Variants in PDE8B observed in about 807,000 individuals in gnomAD.
The protein encoded by PDE8B is phosphodiesterase 8B.
In PDE8B, 26 loss-of-function variants were observed where a neutral mutation model predicts 101.3. That is an observed-to-expected ratio of 0.26 (90% CI 0.19 to 0.36). The LOEUF (loss-of-function observed/expected upper bound fraction) is 0.36. Among genes scored for constraint, PDE8B ranks in the 10% least tolerant of loss-of-function variants. The probability of loss-of-function intolerance (pLI) is 1.00; values close to 1 mark genes in which losing one functional copy is unlikely to be tolerated. For synonymous variants in PDE8B, 424 were observed against 429.3 expected (o/e 0.99, Z 0.15); for missense variants, 810 against 1,163.1 (o/e 0.70, Z 4.42).
chr5:77,420,392 G>T lies in PDE8B; in HGVS notation c.2250+505G>T, dbSNP rs756397371. Among the ~76,000 whole-genome samples the T allele has an allele frequency of 2.6e-5, 4 of 151,834 alleles. No homozygotes were observed. The South Asian group carries it at 6.3e-4, about 24-fold the overall frequency. On this transcript the variant is annotated intron_variant, in intron 19 of 21. Transcript: ENST00000264917. Reference sequence around the variant, plus strand: ...TTTTAAAACCTACTCATGTACCTTGGACCTGCCTTAAGGTCCTTACCAATT... The same window carrying T: ...TTTTAAAACCTACTCATGTACCTTGTACCTGCCTTAAGGTCCTTACCAATT...
intron 9 of PDE8B, among the ~76,000 whole-genome samples, 165 bp downstream of exon 9, chr5:77,351,318 CA>C (rs1781085839): frequency 6.6e-6 from 1 of 152,232 alleles, no homozygotes; most frequent in Non-Finnish European, 1.5e-5. Flanking sequence ...CAGCAACCCC[CA>C]AACATGGTTT....
intron 1 of PDE8B, among the ~76,000 whole-genome samples, chr5:77,242,490 G>T (rs1252049803): frequency 1.3e-5 from 2 of 152,052 alleles, no homozygotes; most frequent in East Asian, 3.9e-4. Context: ...TTGGGATTAG[G>T]CTCTTTGTAA....
At chr5:77,207,029 T>A (rs1024230456), upstream of PDE8B, among the ~76,000 whole-genome samples, 1 of 152,202 alleles carries the variant, frequency 6.6e-6, no homozygotes, top group Non-Finnish European at 1.5e-5. Flanking sequence ...CGGTTTCAGA[T>A]TCACTCGTCT....
chr5:77,158,984 A>G, the PDE8B span, among the ~76,000 whole-genome samples: 2 of 152,184 alleles, frequency 1.3e-5, no homozygotes, highest in Non-Finnish European at 2.9e-5. Context: ...AGGTGAGAGA[A>G]TGCCTCCTTG....
chr5:77,348,437 T>A, intron 7 of PDE8B, among the ~76,000 whole-genome samples: 1 of 152,094 alleles, frequency 6.6e-6, no homozygotes, highest in South Asian at 2.1e-4. Flanking sequence ...AAAAGAAACC[T>A]CTGAGTCTGC....
intron 10 of PDE8B, among the ~76,000 whole-genome samples, chr5:77,399,470 A>T (rs1193112068): frequency 6.6e-6 from 1 of 152,238 alleles, no homozygotes; most frequent in Admixed American, 6.5e-5. Flanking sequence ...GTGGCTACAA[A>T]GATTTAATGG....
chr5:77,257,302 A>C (rs190565261), intron 1 of PDE8B, among the ~76,000 whole-genome samples: 3 of 152,008 alleles, frequency 2.0e-5, no homozygotes, highest in Admixed American at 2.0e-4. Context: ...AGAAAAGTCA[A>C]GAGCCAACTA....
chr5:77,393,271 G>A (rs937407314), intron 10 of PDE8B, among the ~76,000 whole-genome samples: 3 of 152,132 alleles, frequency 2.0e-5, no homozygotes, highest in Non-Finnish European at 4.4e-5. Flanking sequence ...GCACATGCCT[G>A]TAATCCCAGC....
At chr5:77,155,097 T>C in the PDE8B span, among the ~76,000 whole-genome samples, 5 of 152,172 alleles carry the variant, frequency 3.3e-5, no homozygotes, top group African/African-American at 9.7e-5. Context: ...GATGGGCCTG[T>C]TTTCAAGAAA....
At chr5:77,145,221 A>C in the PDE8B span, 2 of 152,194 alleles carry the variant, frequency 1.3e-5, no homozygotes, top group Non-Finnish European at 2.9e-5. Context: ...AAGTGATGAA[A>C]TATAGCTAAA....
At chr5:77,387,225 G>A (rs1259960616) in intron 10 of PDE8B, among the ~76,000 whole-genome samples, 1 of 152,126 alleles carries the variant, frequency 6.6e-6, no homozygotes, top group African/African-American at 2.4e-5. Context: ...TCCATGTTTA[G>A]TGCTTCTTTC....
intron 1 of PDE8B, among the ~76,000 whole-genome samples, chr5:77,279,005 G>A (rs1004852903): frequency 6.6e-6 from 1 of 152,180 alleles, no homozygotes; most frequent in Non-Finnish European, 1.5e-5. Context: ...CTGAAACAAA[G>A]TGAATATACA....
chr5:77,421,810 C>G lies in PDE8B; in HGVS notation c.2251-11C>G. On this transcript the variant is annotated splice_polypyrimidine_tract_variant and intron_variant, in intron 19 of 21. Coordinates refer to ENST00000264917, the MANE Select transcript of PDE8B (RefSeq NM_003719.5). ...CTTGAACCAAGCCTGATCTGACCAT[C>G]TGTTTTCCAGATTGAAGGCAGCGAC... 6.2e-7 allele frequency: 1 copy of G among 1,613,778 alleles called. No homozygotes were observed. Among genetic ancestry groups the G allele is most frequent in the Non-Finnish European group, 8.5e-7 (1 of 1,179,852 alleles).
At chr5:77,274,750 G>T (rs1763503809) in intron 1 of PDE8B, among the ~76,000 whole-genome samples, 1 of 152,094 alleles carries the variant, frequency 6.6e-6, no homozygotes, top group South Asian at 2.1e-4. Flanking sequence ...TGTCATAGTT[G>T]GAAAATTTAC....
chr5:77,238,123 T>A (rs554981937), intron 1 of PDE8B, among the ~76,000 whole-genome samples: 1 of 152,308 alleles, frequency 6.6e-6, no homozygotes, highest in South Asian at 2.1e-4. Flanking sequence ...AATATATAGG[T>A]TTATGACTTT....
the PDE8B span, among the ~76,000 whole-genome samples, chr5:77,167,610 C>T: frequency 6.6e-6 from 1 of 152,178 alleles, no homozygotes; most frequent in Non-Finnish European, 1.5e-5. Context: ...GCTGCTCCCT[C>T]CTGCATCCAC....
chr5:77,364,899 T>C (rs1182628635), intron 10 of PDE8B, among the ~76,000 whole-genome samples: 1 of 152,108 alleles, frequency 6.6e-6, no homozygotes, highest in Non-Finnish European at 1.5e-5. Flanking sequence ...TAGAGGTTTG[T>C]GAGAAGGTTT....
chr5:77,319,374 T>C (rs1032211293), intron 2 of PDE8B, among the ~76,000 whole-genome samples: 1 of 152,216 alleles, frequency 6.6e-6, no homozygotes, highest in Non-Finnish European at 1.5e-5. Context: ...TTTCTGCCTA[T>C]CTGTTATTCA....
At chr5:77,367,240 A>G (rs1374402431) in intron 10 of PDE8B, among the ~76,000 whole-genome samples, 1 of 152,174 alleles carries the variant, frequency 6.6e-6, no homozygotes, top group Admixed American at 6.5e-5. Context: ...CACTGTCTTC[A>G]GAATTCAGTT....
Sources: allele counts gnomAD v4.1 joint callset (sites outside exome capture counted in the v4.1 genomes callset), GRCh38; gene constraint gnomAD v4.1.1; transcripts MANE v1.5; gene names NCBI Gene and HGNC (gene_info 2026-07-23, HGNC 2026-07-21).